The following DPYSL3 variants were observed in gnomAD, a reference collection of about 807,000 sequenced individuals.
DPYSL3 encodes the protein dihydropyrimidinase-related protein 3.
A neutral mutation model predicts 66.1 loss-of-function variants in DPYSL3; 16 were observed. The observed-to-expected ratio is 0.24, with a 90% CI of 0.16 to 0.37. The LOEUF (loss-of-function observed/expected upper bound fraction) is 0.37. Among genes scored for constraint, DPYSL3 ranks in the 10% least tolerant of loss-of-function variants. The probability of loss-of-function intolerance (pLI) is 1.00; values close to 1 mark genes in which losing one functional copy is unlikely to be tolerated. For synonymous variants in DPYSL3, 338 were observed against 345.1 expected (o/e 0.98, Z 0.23); for missense variants, 738 against 916.2 (o/e 0.81, Z 2.51).
chr5:147,447,771 G>C (rs56095645), intron 1 of DPYSL3, among the ~76,000 whole-genome samples: 3,822 of 152,236 alleles, frequency 0.025, 155 homozygotes, highest in African/African-American at 0.086. Flanking sequence ...TCAGGAGGCG[G>C]AGGTTGCCGT....
intron 1 of DPYSL3, among the ~76,000 whole-genome samples, chr5:147,496,547 T>G (rs1332325492): frequency 6.6e-6 from 1 of 151,560 alleles, no homozygotes; most frequent in South Asian, 2.1e-4. Context: ...TCAAACAAAT[T>G]TACAAGAAAA....
Position 147,397,800 on chromosome 5 carries a change from G to A in DPYSL3, c.1669C>T (p.Pro557Ser), listed in dbSNP as rs771087651. ...TTGCCCTGGCAGATGACAACCAGAG[G>A]AGCCCCGCGCAGCTCCATCCCTTCA... is the stretch of plus-strand genomic sequence containing the variant. Reference protein sequence around the residue: ...IFEGMELRGAPLVVICQGKIM... With the variant: ...IFEGMELRGASLVVICQGKIM... Residue 557 changes from proline (P) to serine (S), a missense_variant, in exon 12 of 14, where the codon CCT becomes TCT. Pro to Ser is a moderately conservative substitution (Grantham distance 74). Transcript: ENST00000343218. 1.2e-6 allele frequency: 2 copies of A among 1,613,826 alleles called. No homozygotes were observed. The highest frequency in any genetic ancestry group is 1.7e-6 in the Non-Finnish European group (2 of 1,180,014).
chr5:147,509,828 A>G lies in DPYSL3; in HGVS notation c.31T>C (p.Ser11Pro). 6.5e-7 allele frequency: 1 copy of G among 1,535,418 alleles called. No homozygotes were observed. The highest frequency in any genetic ancestry group is 2.4e-5 in the East Asian group (1 of 40,880). The part of the protein sequence containing the change: MASGRRGWDS[S>P]HEDDLPVYLA... Reference sequence around the variant, plus strand: ...TACACGGGCAGATCGTCTTCGTGGGAGCTGTCCCAGCCCCTCCGGCCCGAG... The same window carrying G: ...TACACGGGCAGATCGTCTTCGTGGGGGCTGTCCCAGCCCCTCCGGCCCGAG... Residue 11 changes from serine to proline, a missense_variant, in exon 1 of 14, where the codon TCC becomes CCC. Physicochemically the swap from Ser to Pro is moderately conservative, Grantham distance 74 (BLOSUM62 -1). Transcript: ENST00000343218. The surrounding 1 kb of genome is among the most constrained non-coding windows in gnomAD (Gnocchi z 5.3).
At chr5:147,420,291 A>G (rs1466095435) in intron 2 of DPYSL3, among the ~76,000 whole-genome samples, 1 of 152,226 alleles carries the variant, frequency 6.6e-6, no homozygotes, top group Middle Eastern at 3.2e-3. Context: ...ATTAAATGTG[A>G]ATATATGTTA....
chr5:147,445,646 G>C (rs1195469886), intron 1 of DPYSL3, among the ~76,000 whole-genome samples: 1 of 152,106 alleles, frequency 6.6e-6, no homozygotes, highest in Non-Finnish European at 1.5e-5. Context: ...TCCATTGGAT[G>C]GCAGCCATCA....
intron 1 of DPYSL3, among the ~76,000 whole-genome samples, chr5:147,427,699 C>T (rs1033521396): frequency 6.6e-6 from 1 of 152,090 alleles, no homozygotes; most frequent in Non-Finnish European, 1.5e-5. Context: ...AAGTCACAGA[C>T]CAGCACAAGG....
chr5:147,480,925 T>C (rs1220807445), intron 1 of DPYSL3, among the ~76,000 whole-genome samples: 1 of 152,008 alleles, frequency 6.6e-6, no homozygotes, highest in Non-Finnish European at 1.5e-5. Context: ...TTTCTCCATG[T>C]TGGTCAGGCT....
intron 1 of DPYSL3, among the ~76,000 whole-genome samples, chr5:147,469,254 C>A (rs1426312484): frequency 6.6e-6 from 1 of 152,220 alleles, no homozygotes; most frequent in Non-Finnish European, 1.5e-5. Context: ...TTCTTTAGGT[C>A]CCCTTGCTTT....
At chr5:147,434,013 A>G (rs1752366604) in intron 1 of DPYSL3, among the ~76,000 whole-genome samples, 1 of 142,814 alleles carries the variant, frequency 7.0e-6, no homozygotes, top group Admixed American at 7.1e-5. Context: ...CTGGTGACAG[A>G]GCAAAACTCC....
At chr5:147,461,251 A>G (rs1752926676) in intron 1 of DPYSL3, among the ~76,000 whole-genome samples, 1 of 152,224 alleles carries the variant, frequency 6.6e-6, no homozygotes, top group Non-Finnish European at 1.5e-5. Context: ...ATAAAAAAAG[A>G]TTAGGGTTGG....
chr5:147,502,355 GA>G (rs1291066876), intron 1 of DPYSL3, among the ~76,000 whole-genome samples: 1 of 147,734 alleles, frequency 6.8e-6, no homozygotes, highest in Non-Finnish European at 1.5e-5. Flanking sequence ...TCACTTTTGG[GA>G]AAAAAATGCA....
chr5:147,489,284 C>A (rs144905548), intron 1 of DPYSL3, among the ~76,000 whole-genome samples: 1,644 of 152,228 alleles, frequency 0.011, 16 homozygotes, highest in Non-Finnish European at 0.019. Flanking sequence ...ATTTTGGACT[C>A]CTCTTAGTAT....
chr5:147,459,412 GA>G (rs766296585), intron 1 of DPYSL3, among the ~76,000 whole-genome samples: 43 of 152,000 alleles, frequency 2.8e-4, no homozygotes, highest in Non-Finnish European at 5.4e-4. Context: ...TTTAATCTTA[GA>G]GCTGCCTTAA....
intron 1 of DPYSL3, among the ~76,000 whole-genome samples, chr5:147,493,602 G>T (rs1237754836): frequency 6.6e-6 from 1 of 151,434 alleles, no homozygotes; most frequent in South Asian, 2.1e-4. Flanking sequence ...AAGGAAGAAA[G>T]AAATAAAGAA....
chr5:147,440,771 T>C lies in DPYSL3; in HGVS notation c.382-15808A>G, dbSNP rs1752516470. ...ACTTTGGAGTACATTTTTTTATTTCTCCTAACATTAAATAACTTGATAAGT... is the reference window on the plus strand; with the variant it reads ...ACTTTGGAGTACATTTTTTTATTTCCCCTAACATTAAATAACTTGATAAGT... On this transcript the variant is annotated intron_variant, in intron 1 of 13. Coordinates refer to ENST00000343218, the MANE Select transcript of DPYSL3 (RefSeq NM_001197294.2). Among the ~76,000 whole-genome samples the C allele has an allele frequency of 3.3e-5, 5 of 152,336 alleles. No homozygotes were observed. In the South Asian group the frequency reaches 1.0e-3, roughly 32 times the overall value.
intron 1 of DPYSL3, among the ~76,000 whole-genome samples, chr5:147,470,958 G>T (rs143470569): frequency 6.6e-6 from 1 of 152,166 alleles, no homozygotes; most frequent in African/African-American, 2.4e-5. Flanking sequence ...ACTTCCCTTG[G>T]ACTCCTTGAG....
chr5:147,415,854 C>T lies in DPYSL3; in HGVS notation c.675G>A (p.Glu225=). The change falls in exon 4 of 14, where the codon GAG becomes GAA. Residue 225 remains glutamate, a synonymous_variant. Transcript: ENST00000343218. ...TTMIIDHVVP[E]PESSLTEAYE... ...AGGCCTCAGTCAGGCTGGACTCAGG[C>T]TCAGGCACCACATGGTCAACTGAAT... The T allele has an allele frequency of 6.2e-7, 1 of 1,613,874 alleles. No individual in the cohort carries two copies. Among genetic ancestry groups the T allele is most frequent in the East Asian group, 2.2e-5 (1 of 44,856 alleles).
intron 8 of DPYSL3, among the ~76,000 whole-genome samples, chr5:147,404,023 G>A (rs372967188): frequency 6.8e-4 from 104 of 152,318 alleles, no homozygotes; most frequent in African/African-American, 2.4e-3. Context: ...TGCAGCCTCA[G>A]CAGAGGGCAT....
At chr5:147,408,115 A>G (rs1751753174) in intron 7 of DPYSL3, among the ~76,000 whole-genome samples, 1 of 152,120 alleles carries the variant, frequency 6.6e-6, no homozygotes, top group South Asian at 2.1e-4. Flanking sequence ...TCTAGGTGCT[A>G]GACCCAGGCT....
Sources: allele counts gnomAD v4.1 joint callset (sites outside exome capture counted in the v4.1 genomes callset), GRCh38; gene constraint gnomAD v4.1.1; non-coding constraint Gnocchi (gnomAD v3.1); transcripts MANE v1.5; gene names NCBI Gene and HGNC (gene_info 2026-07-23, HGNC 2026-07-21).